CHD7: variants seen among roughly 807,000 people sequenced by gnomAD.
The protein encoded by CHD7 is chromodomain helicase DNA binding protein 7.
A neutral mutation model predicts 307.3 loss-of-function variants in CHD7; 24 were observed. The observed-to-expected ratio is 0.08, with a 90% CI of 0.06 to 0.11. The LOEUF (loss-of-function observed/expected upper bound fraction) is 0.11. Ranked by LOEUF, CHD7 falls within the 10% of genes least tolerant of loss-of-function variation. The pLI, the probability that CHD7 is intolerant of heterozygous loss-of-function variation, is 1.00. For synonymous variants in CHD7, 1,363 were observed against 1,349.9 expected, an observed-to-expected ratio of 1.01 and a Z score of -0.21; for missense variants, 3,106 against 3,727.1, an observed-to-expected ratio of 0.83 and a Z score of 4.34.
At chr8:60,716,616 A>G (rs974680956) in intron 1 of CHD7, among the ~76,000 whole-genome samples, 3 of 151,656 alleles carry the variant, frequency 2.0e-5, no homozygotes, top group Admixed American at 6.6e-5. Flanking sequence ...CCTTCCTCCA[A>G]CCGGTCCCTC....
intron 1 of CHD7, among the ~76,000 whole-genome samples, chr8:60,717,938 T>C (rs1807691065): frequency 6.7e-6 from 1 of 149,642 alleles, no homozygotes; most frequent in African/African-American, 2.4e-5. Flanking sequence ...TATTGTTATT[T>C]TGGAGTATAC....
intron 2 of CHD7, among the ~76,000 whole-genome samples, chr8:60,753,425 A>T (rs370719168): frequency 1.3e-4 from 20 of 152,156 alleles, no homozygotes; most frequent in African/African-American, 4.8e-4. Flanking sequence ...TTTGGAAAAC[A>T]TCTTTCCTTA....
At chr8:60,814,765 T>C (rs912849060) in intron 7 of CHD7, among the ~76,000 whole-genome samples, 2 of 152,202 alleles carry the variant, frequency 1.3e-5, no homozygotes, top group African/African-American at 4.8e-5. Context: ...AAACTACAAG[T>C]TGAAAGTAGA....
At chr8:60,686,508 G>A (rs2150479928) in intron 1 of CHD7, among the ~76,000 whole-genome samples, 1 of 152,306 alleles carries the variant, frequency 6.6e-6, no homozygotes, top group African/African-American at 2.4e-5. Context: ...AGAATAGAGG[G>A]GATGCTTCTT....
At chr8:60,835,085 A>G (rs942705740) in intron 15 of CHD7, among the ~76,000 whole-genome samples, 7 of 152,248 alleles carry the variant, frequency 4.6e-5, no homozygotes, top group Non-Finnish European at 8.8e-5. Context: ...CACATCCTCC[A>G]CCTTCAGGGA....
intron 12 of CHD7, 94 bp downstream of exon 12, chr8:60,822,840 A>T: frequency 8.3e-7 from 1 of 1,209,418 alleles, no homozygotes; most frequent in African/African-American, 1.5e-5. Flanking sequence ...GAAGGTCTAA[A>T]TTTTGCCAAA....
Position 60,792,283 on chromosome 8 carries a change from A to G in CHD7, c.2097-2703A>G, listed in dbSNP as rs559290410. Among the ~76,000 whole-genome samples, 226 of 152,362 alleles carry G rather than the reference A, an allele frequency of 1.5e-3. 1 individual carries two copies. Among genetic ancestry groups the G allele is most frequent in the Admixed American group, 3.2e-3 (49 of 15,308 alleles). ...ACAAAGCAGTTTTAATACAACACTT[A>G]GTTGAAAAATCTCAATTAGCTTATT... On this transcript the variant is annotated intron_variant, in intron 3 of 37. Transcript: ENST00000423902.
At position 60,812,091 on chromosome 8, in the gene CHD7, C is replaced by T. The variant is rs141273816; in HGVS notation, c.2498+3819C>T. Among the ~76,000 whole-genome samples the T allele has an allele frequency of 1.8e-3, 270 of 152,204 alleles. 1 individual carries two copies. The highest frequency in any genetic ancestry group is 5.5e-3 in the African/African-American group (227 of 41,532). The stretch of plus-strand genomic sequence containing the variant: ...TGTTGCAACTATCTTATCTCAGTTT[C>T]GATTGTCTTTTGACTTCATGGTGTT... On this transcript the variant is annotated intron_variant, in intron 7 of 37. Transcript: ENST00000423902.
intron 2 of CHD7, among the ~76,000 whole-genome samples, chr8:60,743,923 T>G (rs541689433): frequency 4.6e-5 from 7 of 152,358 alleles, no homozygotes; most frequent in Non-Finnish European, 8.8e-5. Context: ...GCTCTGTTTT[T>G]GGGGTGCACA....
In CHD7 at chr8:60,804,567, G is replaced by A. The variant is rs143655226; in HGVS notation, c.2442+2974G>A. Among the ~76,000 whole-genome samples, 605 of 152,254 alleles carry A rather than the reference G, an allele frequency of 4.0e-3. 4 individuals are homozygous for A. Among genetic ancestry groups the A allele is most frequent in the African/African-American group, 0.013 (554 of 41,540 alleles). ...AGTGAACTGTGATTTGGTGTCTCTAGTAAAGTATACAGTAGATAGGGCCAA... is the reference window on the plus strand; with the variant it reads ...AGTGAACTGTGATTTGGTGTCTCTAATAAAGTATACAGTAGATAGGGCCAA... On this transcript the variant is annotated intron_variant, in intron 6 of 37. Coordinates refer to ENST00000423902, the MANE Select transcript of CHD7 (RefSeq NM_017780.4).
chr8:60,853,451 G>C lies in CHD7; in HGVS notation c.6726G>C (p.Glu2242Asp). The change falls in exon 31 of 38, where the codon GAG becomes GAC. Residue 2242 changes from glutamate to aspartate, a missense_variant. Transcript: ENST00000423902. ...AGAAAGGTTCCGAAGAGGATGAAGA[G>C]GAAAAGCTGGAGGATGACGATAAGT... ...ISEKGSEEDE[E>D]EKLEDDDKSE... is the part of the protein sequence containing the mutation. 2.0e-6 allele frequency: 3 copies of C among 1,518,138 alleles called. No individual in the cohort carries two copies. The highest frequency in any genetic ancestry group is 1.4e-5 in the South Asian group (1 of 73,250). The allele number at this position is 1,518,138 out of a possible 1,614,324, so 94.0% of individuals were successfully genotyped here.
chr8:60,856,230 C>T, intron 33 of CHD7, 28 bp downstream of exon 33: 3 of 1,508,018 alleles, frequency 2.0e-6, no homozygotes, highest in Non-Finnish European at 2.7e-6. Context: ...GTTTCTGCAG[C>T]TTAAAAGGGA....
intron 2 of CHD7, among the ~76,000 whole-genome samples, chr8:60,772,674 T>A (rs1301294795): frequency 6.6e-6 from 1 of 152,188 alleles, no homozygotes; most frequent in Admixed American, 6.5e-5. Flanking sequence ...TTCTATAGAT[T>A]CTCATTCCTG....
At chr8:60,754,005 A>G (rs1809769108) in intron 2 of CHD7, among the ~76,000 whole-genome samples, 1 of 152,196 alleles carries the variant, frequency 6.6e-6, no homozygotes, top group Non-Finnish European at 1.5e-5. Flanking sequence ...CATACTGAAT[A>G]TAAATTTAAT....
At chr8:60,767,529 G>A (rs1008815809) in intron 2 of CHD7, among the ~76,000 whole-genome samples, 1 of 152,214 alleles carries the variant, frequency 6.6e-6, no homozygotes, top group South Asian at 2.1e-4. Flanking sequence ...TGCCTTGGCT[G>A]GTGCTCAGTG....
At chr8:60,751,845 T>G (rs1343399844) in intron 2 of CHD7, among the ~76,000 whole-genome samples, 1 of 152,184 alleles carries the variant, frequency 6.6e-6, no homozygotes, top group Admixed American at 6.5e-5. Context: ...TTGACAGCGT[T>G]GCATTTAAAA....
At chr8:60,863,738 CTTTTTTTTTTT>C (rs757577486) in intron 37 of CHD7, 1 of 126,314 alleles carries the variant, frequency 7.9e-6, no homozygotes, top group Non-Finnish European at 1.7e-5. Flanking sequence ...CTTTTTTTTT[CTTTTTTTTTTT>C]TTTTTTTGAG....
At chr8:60,820,941 G>A (rs747342746) in intron 9 of CHD7, among the ~76,000 whole-genome samples, 1 of 152,140 alleles carries the variant, frequency 6.6e-6, no homozygotes, top group Non-Finnish European at 1.5e-5. Flanking sequence ...AACTAGGTCA[G>A]TGTTCCTTGG....
chr8:60,733,489 G>A (rs143999120), intron 1 of CHD7, among the ~76,000 whole-genome samples: 7 of 152,278 alleles, frequency 4.6e-5, no homozygotes, highest in East Asian at 1.9e-4. Context: ...CTGTCTCCAC[G>A]TTAGGGTCAA....
Sources: gnomAD v4.1 joint callset for allele counts (sites outside exome capture counted in the v4.1 genomes callset) on GRCh38, gnomAD v4.1.1 for gene constraint, MANE v1.5 for transcripts, NCBI Gene and HGNC (gene_info 2026-07-23, HGNC 2026-07-21) for gene names.